The following CCRL2 variants were observed in gnomAD, a reference collection of about 807,000 sequenced individuals.
CCRL2 encodes the protein C-C chemokine receptor-like 2.
For synonymous variants in CCRL2, 181 were observed against 165.6 expected (o/e 1.09, Z -0.71); for missense variants, 451 against 412.4 (o/e 1.09, Z -0.81).
rs766557613 is a variant in CCRL2, at chr3:46,409,373, G to A, written c.*259G>A. On this transcript the variant is annotated 3_prime_UTR_variant, in exon 2 of 2. Coordinates refer to ENST00000399036, the MANE Select transcript of CCRL2 (RefSeq NM_003965.5). ...TTCTCTGAGAAGAAAACTAAGGCGC[G>A]GAAATTTGTCTAAGATCACATAACT... The A allele has an allele frequency of 1.4e-5, 7 of 483,132 alleles. No individual in the cohort carries two copies. The highest frequency in any genetic ancestry group is 6.5e-5 in the South Asian group (2 of 31,006). The allele number at this position is 483,132 out of a possible 1,614,324, so 29.9% of individuals were successfully genotyped here. A position where few individuals can be genotyped will look rare whatever the true frequency, so the allele number is the denominator to read the frequency against.
chr3:46,409,105 C>T lies in CCRL2; in HGVS notation c.1026C>T (p.Thr342=), dbSNP rs146961841. The stretch of plus-strand genomic sequence containing the variant: ...CGAGGGAAGAACCTGACCATTCCAC[C>T]GAAGTGTAAACTAGCATCCACCAAA... ...GTSREEPDHS[T]EV The change falls in exon 2 of 2, where the codon ACC becomes ACT. Residue 342 remains threonine, a synonymous_variant. Transcript: ENST00000399036. 161 of 1,608,126 alleles carry T rather than the reference C, an allele frequency of 1.0e-4. No individual in the cohort carries two copies. The African/African-American group carries it at 1.4e-3, about 14-fold the overall frequency.
chr3:46,408,209 C>T lies in CCRL2; in HGVS notation c.130C>T (p.Leu44Phe). ...QALSAQLVPS[L>F]CSAVFVIGVL... is the part of the protein sequence containing the mutation. Reference sequence around the variant, plus strand: ...ACTCTCAGCCCAGCTGGTGCCATCACTCTGCTCTGCTGTGTTTGTGATCGG... The same window carrying T: ...ACTCTCAGCCCAGCTGGTGCCATCATTCTGCTCTGCTGTGTTTGTGATCGG... The change falls in exon 2 of 2, where the codon CTC becomes TTC. Residue 44 changes from leucine (L) to phenylalanine (F), a missense_variant. Transcript: ENST00000399036. The T allele has an allele frequency of 6.2e-7, 1 of 1,614,128 alleles. No individual in the cohort carries two copies. Among genetic ancestry groups the T allele is most frequent in the Non-Finnish European group, 8.5e-7 (1 of 1,179,990 alleles).
At position 46,408,119 on chromosome 3, in the gene CCRL2, G is replaced by T; in HGVS notation, c.40G>T (p.Val14Phe). ...GCTGGCACCAGAGGATGAATATGAT[G>T]TCCTCATAGAAGGTGAACTGGAGAG... Reference protein sequence around the residue: ...YTLAPEDEYDVLIEGELESDE... With the variant: ...YTLAPEDEYDFLIEGELESDE... Residue 14 changes from valine to phenylalanine, a missense_variant, in exon 2 of 2, where the codon GTC becomes TTC. Transcript: ENST00000399036. The T allele has an allele frequency of 1.3e-6, 2 of 1,599,700 alleles. No individual in the cohort carries two copies. Among genetic ancestry groups the T allele is most frequent in the Non-Finnish European group, 8.5e-7 (1 of 1,172,792 alleles).
chr3:46,409,372 C>A lies in CCRL2; in HGVS notation c.*258C>A. ...TTTCTCTGAGAAGAAAACTAAGGCG[C>A]GGAAATTTGTCTAAGATCACATAAC... On this transcript the variant is annotated 3_prime_UTR_variant, in exon 2 of 2. Transcript: ENST00000399036. 1 of 480,986 alleles carries A rather than the reference C, an allele frequency of 2.1e-6. No individual in the cohort carries two copies. The highest frequency in any genetic ancestry group is 3.8e-6 in the Non-Finnish European group (1 of 263,282). The allele number at this position is 480,986 out of a possible 1,614,324, so 29.8% of individuals were successfully genotyped here.
At position 46,409,167 on chromosome 3, in the gene CCRL2, A is replaced by T; in HGVS notation, c.*53A>T. 6.9e-7 allele frequency: 1 copy of T among 1,454,770 alleles called. No individual in the cohort carries two copies. Among genetic ancestry groups the T allele is most frequent in the Non-Finnish European group, 9.4e-7 (1 of 1,064,746 alleles). The allele number at this position is 1,454,770 out of a possible 1,614,324, so 90.1% of individuals were successfully genotyped here. A position where few individuals can be genotyped will look rare whatever the true frequency, so the allele number is the denominator to read the frequency against. On this transcript the variant is annotated 3_prime_UTR_variant, in exon 2 of 2. Transcript: ENST00000399036. Reference sequence around the variant, plus strand: ...TAAACATGGATTTTCATCTTTCTGCATTATTTCATGTAAATTTTCTACACA... The same window carrying T: ...TAAACATGGATTTTCATCTTTCTGCTTTATTTCATGTAAATTTTCTACACA...
Position 46,407,317 on chromosome 3 carries a change from G to C in CCRL2, c.-198G>C, listed in dbSNP as rs1702060023. 1 of 273,686 alleles carries C rather than the reference G, an allele frequency of 3.7e-6. No homozygotes were observed. Among genetic ancestry groups the C allele is most frequent in the South Asian group, 7.1e-5 (1 of 14,026 alleles). 17.0% of individuals were successfully genotyped at this position (273,686 alleles called of 1,614,324 possible). ...AGCTTTTGAGTACTTTATTTCAGTT[G>C]GTCCCTGAGCTCGGTGAGTGGGGCG... is the stretch of plus-strand genomic sequence containing the variant. On this transcript the variant is annotated 5_prime_UTR_variant, in exon 1 of 2. Coordinates refer to ENST00000399036, the MANE Select transcript of CCRL2 (RefSeq NM_003965.5).
intron 1 of CCRL2, 107 bp downstream of exon 1, chr3:46,407,609 C>A: frequency 2.2e-6 from 3 of 1,385,594 alleles, no homozygotes; most frequent in Non-Finnish European, 2.0e-6. Context: ...GAGAGAAAAA[C>A]GTCTCAGCTG....
rs185217735 is a variant in CCRL2, at chr3:46,408,176, G to T, written c.97G>T (p.Ala33Ser). The change falls in exon 2 of 2, where the codon GCC becomes TCC. Residue 33 changes from alanine to serine, a missense_variant. By Grantham distance (99) the Ala-to-Ser change is moderately conservative. Coordinates refer to ENST00000399036, the MANE Select transcript of CCRL2 (RefSeq NM_003965.5). Reference sequence around the variant, plus strand: ...GGCAGAGCAATGTGACAAGTATGACGCCCAGGCACTCTCAGCCCAGCTGGT... The same window carrying T: ...GGCAGAGCAATGTGACAAGTATGACTCCCAGGCACTCTCAGCCCAGCTGGT... ...DEAEQCDKYD[A>S]QALSAQLVPS... is the part of the protein sequence containing the mutation. 1.9e-6 allele frequency: 3 copies of T among 1,612,522 alleles called. No individual in the cohort carries two copies. Among genetic ancestry groups the T allele is most frequent in the African/African-American group, 2.7e-5 (2 of 74,898 alleles).
rs1442443043 is a variant in CCRL2, at chr3:46,409,112, T to C, written c.1033T>C (p.Ter345GlnextTer10). 6.3e-7 allele frequency: 1 copy of C among 1,597,328 alleles called. No homozygotes were observed. Among genetic ancestry groups the C allele is most frequent in the Admixed American group, 1.7e-5 (1 of 58,096 alleles). ...REEPDHSTEV[*>Q] ...AGAACCTGACCATTCCACCGAAGTG[T>C]AAACTAGCATCCACCAAATGCAAGA... Residue 345 changes from the stop codon to glutamine (Q), a stop_lost, in exon 2 of 2, where the codon TAA becomes CAA. Transcript: ENST00000399036.
chr3:46,407,808 C>T, intron 1 of CCRL2: 1 of 902,098 alleles, frequency 1.1e-6, no homozygotes, highest in Non-Finnish European at 1.7e-6. Flanking sequence ...CGGTGTCATG[C>T]CAGCTTTATT....
chr3:46,407,982 G>A (rs567422844), intron 1 of CCRL2, 86 bp from the exon 2 acceptor site: 2 of 980,870 alleles, frequency 2.0e-6, no homozygotes, highest in South Asian at 1.7e-5. Context: ...GGGAAAGTGG[G>A]GCTGTATGAA....
chr3:46,408,022 A>G, intron 1 of CCRL2, 46 bp from the exon 2 acceptor site: 2 of 1,410,526 alleles, frequency 1.4e-6, no homozygotes, highest in East Asian at 2.5e-5. Context: ...TTCCTCCAGG[A>G]TAAGGCAGCT....
In CCRL2 at chr3:46,408,211, C is replaced by G; in HGVS notation, c.132C>G (p.Leu44=). Residue 44 remains leucine, a synonymous_variant, in exon 2 of 2, where the codon CTC becomes CTG. Coordinates refer to ENST00000399036, the MANE Select transcript of CCRL2 (RefSeq NM_003965.5). ...TCTCAGCCCAGCTGGTGCCATCACT[C>G]TGCTCTGCTGTGTTTGTGATCGGTG... ...QALSAQLVPS[L]CSAVFVIGVL... is the part of the protein sequence containing the mutation. 6.2e-7 allele frequency: 1 copy of G among 1,614,096 alleles called. No homozygotes were observed. Among genetic ancestry groups the G allele is most frequent in the Non-Finnish European group, 8.5e-7 (1 of 1,179,982 alleles).
intron 1 of CCRL2, chr3:46,407,787 T>C: frequency 9.1e-7 from 1 of 1,094,264 alleles, no homozygotes; most frequent in African/African-American, 1.6e-5. Context: ...AGAAGGTAAG[T>C]TCTACCAAGG....
At position 46,409,297 on chromosome 3, in the gene CCRL2, G is replaced by GC. The variant is rs1424632455; in HGVS notation, c.*184dup. Reference sequence around the variant, plus strand: ...CGTGCAAGGCTCTTTACAAACGTGAGCTCCTTCGCCTCCTACCACTTGTCC... The same window carrying GC: ...CGTGCAAGGCTCTTTACAAACGTGAGCCTCCTTCGCCTCCTACCACTTGTCC... On this transcript the variant is annotated 3_prime_UTR_variant, in exon 2 of 2. Transcript: ENST00000399036. 71 of 628,492 alleles carry GC rather than the reference G, an allele frequency of 1.1e-4. 1 individual carries two copies. The highest frequency in any genetic ancestry group is 7.4e-4 in the Middle Eastern group (2 of 2,700). The allele number at this position is 628,492 out of a possible 1,614,324, so 38.9% of individuals were successfully genotyped here. A position where few individuals can be genotyped will look rare whatever the true frequency, so the allele number is the denominator to read the frequency against.
chr3:46,407,424 C>T lies in CCRL2; in HGVS notation c.-91C>T, dbSNP rs1575290744. On this transcript the variant is annotated 5_prime_UTR_variant, in exon 1 of 2. Transcript: ENST00000399036. ...AGTCTGATCAAAAGGAGGGCATCCA[C>T]TGTCCGGGGCCATTCCCACAGCTCC... The T allele has an allele frequency of 1.9e-6, 1 of 518,188 alleles. No homozygotes were observed. The highest frequency in any genetic ancestry group is 3.3e-6 in the Non-Finnish European group (1 of 298,938). 32.1% of individuals were successfully genotyped at this position (518,188 alleles called of 1,614,324 possible).
rs1190187687 is a variant in CCRL2, at chr3:46,409,159, C to G, written c.*45C>G. On this transcript the variant is annotated 3_prime_UTR_variant, in exon 2 of 2. Coordinates refer to ENST00000399036, the MANE Select transcript of CCRL2 (RefSeq NM_003965.5). ...AAGAAGAATAAACATGGATTTTCAT[C>G]TTTCTGCATTATTTCATGTAAATTT... 2 of 1,479,062 alleles carry G rather than the reference C, an allele frequency of 1.4e-6. No individual in the cohort carries two copies. 91.6% of individuals were successfully genotyped at this position (1,479,062 alleles called of 1,614,324 possible).
rs541643583 is a variant in CCRL2, at chr3:46,407,472, C to T, written c.-43C>T. 2.2e-5 allele frequency: 13 copies of T among 581,464 alleles called. No individual in the cohort carries two copies. Among genetic ancestry groups the T allele is most frequent in the South Asian group, 1.1e-4 (5 of 45,804 alleles). 36.0% of individuals were successfully genotyped at this position (581,464 alleles called of 1,614,324 possible). On this transcript the variant is annotated 5_prime_UTR_variant, in exon 1 of 2. Coordinates refer to ENST00000399036, the MANE Select transcript of CCRL2 (RefSeq NM_003965.5). ...TCCCGGATGCTGGGTCTGGAGGCTG[C>T]GCCCTTCCCCTGCAGGAGCTCAGCC... is the stretch of plus-strand genomic sequence containing the variant.
rs1160148359 is a variant in CCRL2 at position 46,408,921 on chromosome 3, G to A, written c.842G>A (p.Ser281Asn). 2 of 1,614,156 alleles carry A rather than the reference G, an allele frequency of 1.2e-6. No individual in the cohort carries two copies. The highest frequency in any genetic ancestry group is 2.7e-5 in the African/African-American group (2 of 75,022). The change falls in exon 2 of 2, where the codon AGT (serine) becomes AAT (asparagine). Residue 281 changes from serine (S) to asparagine (N), a missense_variant. Ser to Asn is a conservative substitution (Grantham distance 46). Transcript: ENST00000399036. ...DCKSSYNLDK[S>N]VHITKLIATT... ...AAGAGCAGCTACAATCTGGACAAAA[G>A]TGTTCACATCACTAAACTCATCGCC...
Sources: gnomAD v4.1 joint callset for allele counts on GRCh38, gnomAD v4.1.1 for gene constraint, MANE v1.5 for transcripts, NCBI Gene and HGNC (gene_info 2026-07-23, HGNC 2026-07-21) for gene names.